The following PCDHGA1 variants were observed in gnomAD, a reference collection of about 807,000 sequenced individuals.
PCDHGA1 encodes the protein protocadherin gamma subfamily A, 1.
Under a neutral mutation model 58.0 loss-of-function variants are expected in PCDHGA1, and 32 were observed. That is an observed-to-expected ratio of 0.55 (90% confidence interval 0.42 to 0.74). The LOEUF (loss-of-function observed/expected upper bound fraction) is 0.74, where lower values mean the gene tolerates loss of function less well. PCDHGA1 is among the 30% of genes least tolerant of loss of function. The probability of loss-of-function intolerance (pLI) is 0.00; values close to 1 mark genes in which losing one functional copy is unlikely to be tolerated. For missense variants in PCDHGA1, 1,205 were observed against 1,182.3 expected, an observed-to-expected ratio of 1.02 and a Z score of -0.28; for synonymous variants, 498 against 501.1, an observed-to-expected ratio of 0.99 and a Z score of 0.08.
At chr5:141,339,215 G>A (rs752825697) in intron 1 of PCDHGA1, 38 of 1,614,122 alleles carry the variant, frequency 2.4e-5, no homozygotes, top group Non-Finnish European at 3.1e-5. Context: ...CCCGCGAAGC[G>A]GCAGCTTGGT....
At position 141,331,381 on chromosome 5, in the gene PCDHGA1, G is replaced by A. The variant is rs1561471065; in HGVS notation, c.697G>A (p.Val233Met). ...GACCCTCAGAATTTACATTCAGGTG[G>A]TGGATGCAAATGACAATCCTCCAGC... ...SGTLRIYIQV[V>M]DANDNPPAFT... is the part of the protein sequence containing the mutation. The change falls in exon 1 of 4, where the codon GTG becomes ATG. Residue 233 changes from valine (V) to methionine (M), a missense_variant. Physicochemically the swap from Val to Met is conservative, Grantham distance 21. Transcript: ENST00000517417. The A allele has an allele frequency of 6.2e-7, 1 of 1,614,154 alleles. No individual in the cohort carries two copies. The highest frequency in any genetic ancestry group is 8.5e-7 in the Non-Finnish European group (1 of 1,180,034).
intron 1 of PCDHGA1, chr5:141,350,726 G>T (rs766918088): frequency 2.3e-5 from 37 of 1,613,838 alleles, no homozygotes; most frequent in Admixed American, 5.0e-5. Context: ...TTCTGCTCAA[G>T]ATGCAGATGT....
intron 1 of PCDHGA1, among the ~76,000 whole-genome samples, chr5:141,448,086 T>TA (rs558292628): frequency 0.011 from 1,579 of 146,268 alleles, 11 homozygotes; most frequent in Non-Finnish European, 0.016. Context: ...AATGCCATCT[T>TA]AAAAAAAAAA....
At chr5:141,434,830 C>A (rs7703679) in intron 1 of PCDHGA1, among the ~76,000 whole-genome samples, 45,467 of 151,546 alleles carry the variant, frequency 0.3, 8,050 homozygotes, top group African/African-American at 0.5. Flanking sequence ...GTACACTTGG[C>A]ATTTATAAAG....
At chr5:141,389,984 C>A (rs1388496409) in intron 1 of PCDHGA1, 1 of 1,613,952 alleles carries the variant, frequency 6.2e-7, no homozygotes, top group East Asian at 2.2e-5. Flanking sequence ...TCTCAGTGCT[C>A]TTCCTCGTGG....
chr5:141,473,776 T>C (rs1026169931), intron 1 of PCDHGA1, among the ~76,000 whole-genome samples: 1 of 152,214 alleles, frequency 6.6e-6, no homozygotes, highest in Non-Finnish European at 1.5e-5. Context: ...TTTGGTATTT[T>C]AATTCAAGAG....
At chr5:141,408,051 C>A in intron 1 of PCDHGA1, 3 of 1,264,368 alleles carry the variant, frequency 2.4e-6, no homozygotes, top group Non-Finnish European at 3.2e-6. Context: ...CCACACAGAG[C>A]CTCCCGGCTG....
At chr5:141,506,130 GAGA>G (rs560751517) in intron 3 of PCDHGA1, among the ~76,000 whole-genome samples, 2 of 152,170 alleles carry the variant, frequency 1.3e-5, no homozygotes, top group Admixed American at 1.3e-4. Context: ...CCCAGAGCAG[GAGA>G]AGAAGAATAT....
At chr5:141,510,272 T>TAAAA (rs546154379) in intron 3 of PCDHGA1, among the ~76,000 whole-genome samples, 4 of 130,388 alleles carry the variant, frequency 3.1e-5, no homozygotes, top group Non-Finnish European at 4.9e-5. Context: ...GACTCCATCT[T>TAAAA]AAAAAAAAAA....
intron 1 of PCDHGA1, among the ~76,000 whole-genome samples, chr5:141,465,263 T>C (rs538393085): frequency 1.3e-5 from 2 of 152,326 alleles, no homozygotes; most frequent in African/African-American, 4.8e-5. Flanking sequence ...GCAATGATAC[T>C]AGCCATTTAG....
chr5:141,491,580 G>A lies in PCDHGA1; in HGVS notation c.2422-3227G>A. 6.2e-7 allele frequency: 1 copy of A among 1,613,942 alleles called. No individual in the cohort carries two copies. Among genetic ancestry groups the A allele is most frequent in the Non-Finnish European group, 8.5e-7 (1 of 1,180,044 alleles). ...ACTGCTACAGGACGTGCTTTTCACC[G>A]GCCTCGGACGGCAGTGACTTCACTT... is the stretch of plus-strand genomic sequence containing the variant. On this transcript the variant is annotated intron_variant, in intron 1 of 3. Coordinates refer to ENST00000517417, the MANE Select transcript of PCDHGA1 (RefSeq NM_018912.3). The surrounding 1 kb of genome is among the most constrained non-coding windows in gnomAD (Gnocchi z 6.9).
rs946798767 is a variant in PCDHGA1 at position 141,438,591 on chromosome 5, C to CATATAT, written c.2422-56176_2422-56171dup. Among the ~76,000 whole-genome samples the CATATAT allele has an allele frequency of 1.5e-3, 111 of 75,470 alleles. 1 individual carries two copies. Among genetic ancestry groups the CATATAT allele is most frequent in the Non-Finnish European group, 2.3e-3 (84 of 37,244 alleles). 49.5% of individuals were successfully genotyped at this position (75,470 alleles called of 152,430 possible). A position where few individuals can be genotyped will look rare whatever the true frequency, so the allele number is the denominator to read the frequency against. ...TCTGATATACATACATACATACATA[C>CATATAT]ATATATATATATATATATATATATA... On this transcript the variant is annotated intron_variant, in intron 1 of 3. Transcript: ENST00000517417.
At chr5:141,418,917 C>T in intron 1 of PCDHGA1, 1 of 1,613,988 alleles carries the variant, frequency 6.2e-7, no homozygotes, top group Non-Finnish European at 8.5e-7. Context: ...ACGTCACTCT[C>T]TGATCAGATT....
intron 2 of PCDHGA1, among the ~76,000 whole-genome samples, chr5:141,502,719 C>G (rs1242423173): frequency 1.3e-5 from 2 of 152,190 alleles, no homozygotes; most frequent in Non-Finnish European, 2.9e-5. Flanking sequence ...TCAGTGATTA[C>G]AAAGCGGTGA....
intron 1 of PCDHGA1, among the ~76,000 whole-genome samples, chr5:141,436,832 C>T (rs1242760381): frequency 6.6e-6 from 1 of 152,172 alleles, no homozygotes; most frequent in African/African-American, 2.4e-5. Flanking sequence ...ATCTTAAGTG[C>T]CTAGGCACAT....
chr5:141,388,619 C>A (rs369637121), intron 1 of PCDHGA1: 1 of 1,613,852 alleles, frequency 6.2e-7, no homozygotes, highest in Admixed American at 1.7e-5. Flanking sequence ...TCAGTCAAGA[C>A]GTATACAGGG....
At chr5:141,435,447 A>C (rs2097764160) in intron 1 of PCDHGA1, among the ~76,000 whole-genome samples, 1 of 152,168 alleles carries the variant, frequency 6.6e-6, no homozygotes, top group Non-Finnish European at 1.5e-5. Context: ...CATTAATACG[A>C]TATCTGTATG....
intron 1 of PCDHGA1, chr5:141,404,928 C>G: frequency 2.5e-6 from 4 of 1,613,866 alleles, no homozygotes; most frequent in Non-Finnish European, 3.4e-6. Context: ...GCCACTGTCA[C>G]GCTCACAGTA....
chr5:141,410,714 T>C (rs1561730445), intron 1 of PCDHGA1: 7 of 1,434,512 alleles, frequency 4.9e-6, no homozygotes, highest in Middle Eastern at 1.8e-4. Flanking sequence ...TAGAATCATA[T>C]GTTTAAAATC....
Sources: gnomAD v4.1 joint callset for allele counts (sites outside exome capture counted in the v4.1 genomes callset) on GRCh38, gnomAD v4.1.1 for gene constraint, Gnocchi (gnomAD v3.1) non-coding constraint, MANE v1.5 for transcripts, NCBI Gene and HGNC (gene_info 2026-07-23, HGNC 2026-07-21) for gene names.